Variants in IL1RAPL1 observed in about 807,000 individuals in gnomAD.
IL1RAPL1 encodes the protein interleukin 1 receptor accessory protein like 1, also known as interleukin-1 receptor accessory protein-like 1.
IL1RAPL1 carries 3 observed loss-of-function variants against 48.4 expected under a neutral mutation model. That is an observed-to-expected ratio of 0.06 (90% CI 0.03 to 0.16). The LOEUF is 0.16. IL1RAPL1 is among the 10% of genes least tolerant of loss of function. The pLI is 1.00. For synonymous variants in IL1RAPL1, 185 were observed against 187.7 expected (o/e 0.99, Z 0.12); for missense variants, 349 against 530.6 (o/e 0.66, Z 3.36).
At chrX:28,979,180 A>C (rs776150151) in intron 2 of IL1RAPL1, among the ~76,000 whole-genome samples, 1 of 111,901 alleles carries the variant, frequency 8.9e-6, no homozygotes, top group East Asian at 2.8e-4. Flanking sequence ...TATGACAAGC[A>C]TCATATGTTG....
In IL1RAPL1 at chrX:28,630,755, T is replaced by A. The variant is rs1934390238; in HGVS notation, c.-25+42708T>A. On this transcript the variant is annotated intron_variant, in intron 1 of 10. Transcript: ENST00000378993. ...TATAGGAGGTGTGTTATAAAATGATTTATTAAATGTGAAGAAATTCCTAGT... is the reference window on the plus strand; with the variant it reads ...TATAGGAGGTGTGTTATAAAATGATATATTAAATGTGAAGAAATTCCTAGT... 3.6e-5 allele frequency among the ~76,000 whole-genome samples: 4 copies of A among 112,519 alleles called. No individual in the cohort carries two copies. In the South Asian group the frequency reaches 1.4e-3, roughly 41 times the overall value.
intron 5 of IL1RAPL1, among the ~76,000 whole-genome samples, chrX:29,664,351 C>T (rs1249973270): frequency 3.1e-5 from 3 of 97,291 alleles, no homozygotes; most frequent in East Asian, 3.2e-4. Flanking sequence ...TTGCAGTGAG[C>T]GGAGATCGCG....
intron 8 of IL1RAPL1, among the ~76,000 whole-genome samples, chrX:29,927,015 A>G (rs768573070): frequency 8.9e-6 from 1 of 112,391 alleles, no homozygotes; most frequent in South Asian, 3.7e-4. Flanking sequence ...CTTACACCAT[A>G]GGAATTGACA....
chrX:29,058,556 G>T (rs1289743631), intron 2 of IL1RAPL1, among the ~76,000 whole-genome samples: 1 of 111,927 alleles, frequency 8.9e-6, no homozygotes, highest in Admixed American at 9.5e-5. Context: ...TACTAAAAAA[G>T]TGATTTGTGG....
At chrX:29,466,009 A>G (rs892113977) in intron 5 of IL1RAPL1, among the ~76,000 whole-genome samples, 14 of 112,612 alleles carry the variant, frequency 1.2e-4, no homozygotes, top group African/African-American at 4.2e-4. Flanking sequence ...AAATAAAAAT[A>G]ACTTTTCCTG....
intron 3 of IL1RAPL1, among the ~76,000 whole-genome samples, chrX:29,359,319 C>A (rs1329438642): frequency 9.0e-6 from 1 of 111,505 alleles, no homozygotes; most frequent in Non-Finnish European, 1.9e-5. Flanking sequence ...GCTACACCAA[C>A]CACCATCACC....
At chrX:29,827,757 T>C (rs1930771380) in intron 6 of IL1RAPL1, among the ~76,000 whole-genome samples, 1 of 112,850 alleles carries the variant, frequency 8.9e-6, no homozygotes, top group Admixed American at 9.4e-5. Context: ...ATTCCTAATC[T>C]ATTCAATGGG....
At chrX:28,710,017 C>T (rs1388674807) in intron 1 of IL1RAPL1, among the ~76,000 whole-genome samples, 1 of 111,604 alleles carries the variant, frequency 9.0e-6, no homozygotes, top group Non-Finnish European at 1.9e-5. Flanking sequence ...TTTTTATAGA[C>T]AGCGAGAGAT....
intron 1 of IL1RAPL1, among the ~76,000 whole-genome samples, chrX:28,719,160 C>T (rs1935538693): frequency 9.0e-6 from 1 of 110,905 alleles, no homozygotes; most frequent in Admixed American, 9.7e-5. Flanking sequence ...TCAGATTAAC[C>T]TGGATTTAAT....
intron 1 of IL1RAPL1, among the ~76,000 whole-genome samples, chrX:28,719,737 T>C (rs1373806637): frequency 9.0e-6 from 1 of 111,095 alleles, no homozygotes; most frequent in Non-Finnish European, 1.9e-5. Flanking sequence ...TTTCCCAGCT[T>C]ATTTCTTTTT....
intron 5 of IL1RAPL1, among the ~76,000 whole-genome samples, chrX:29,597,765 G>A (rs1012761731): frequency 9.0e-6 from 1 of 111,490 alleles, no homozygotes; most frequent in African/African-American, 3.3e-5. Flanking sequence ...AATCTAGGAG[G>A]GTTTCAAAGA....
At chrX:29,941,530 T>A (rs1230087771) in intron 8 of IL1RAPL1, 121 bp from the exon 9 acceptor site, 2 of 703,300 alleles carry the variant, frequency 2.8e-6, no homozygotes, top group African/African-American at 4.2e-5. Context: ...GGAAAGGGGT[T>A]GTGTCAACCC....
At chrX:29,208,732 T>TAATAATA (rs1291004933) in intron 2 of IL1RAPL1, among the ~76,000 whole-genome samples, 1 of 81,784 alleles carries the variant, frequency 1.2e-5, no homozygotes, top group Non-Finnish European at 2.2e-5. Context: ...ATAATAATAA[T>TAATAATA]AATAAATAAA....
intron 2 of IL1RAPL1, among the ~76,000 whole-genome samples, chrX:29,139,035 T>G (rs745404884): frequency 3.6e-5 from 4 of 111,603 alleles, no homozygotes; most frequent in Non-Finnish European, 7.5e-5. Flanking sequence ...AAAGAAACTG[T>G]GGGAAAAGTG....
chrX:29,230,504 C>CAAATAAAAA (rs1931170482), intron 2 of IL1RAPL1, among the ~76,000 whole-genome samples: 1 of 16,589 alleles, frequency 6.0e-5, no homozygotes. Context: ...GTCCCTTTAC[C>CAAATAAAAA]AAAAAAAAAA....
At position 29,399,236 on chromosome X, in the gene IL1RAPL1, A is replaced by C. The variant is rs756024054; in HGVS notation, c.631A>C (p.Ile211Leu). The C allele has an allele frequency of 3.4e-6, 4 of 1,192,183 alleles. No individual in the cohort carries two copies. Among genetic ancestry groups the C allele is most frequent in the Admixed American group, 4.4e-5 (2 of 45,975 alleles). ...TATAAGAGAAGTCAGAGAAGATGAC[A>C]TTGGAAATTATACCTGTGAATTAAA... is the stretch of plus-strand genomic sequence containing the variant. The part of the protein sequence containing the change: ...LLIREVREDD[I>L]GNYTCELKYG... Residue 211 changes from isoleucine to leucine, a missense_variant, in exon 5 of 11, where the codon ATT becomes CTT. Physicochemically the swap from Ile to Leu is conservative, Grantham distance 5. This residue lies in a region of IL1RAPL1 where 238 missense variants were observed against 337.8 expected (regional missense o/e 0.70). Coordinates refer to ENST00000378993, the MANE Select transcript of IL1RAPL1 (RefSeq NM_014271.4).
chrX:29,100,691 A>G (rs1928316929), intron 2 of IL1RAPL1, among the ~76,000 whole-genome samples: 1 of 111,664 alleles, frequency 9.0e-6, no homozygotes, highest in South Asian at 3.8e-4. Context: ...CATTTATTAG[A>G]TGGGTGACCT....
chrX:29,664,021 A>G (rs769488837), intron 5 of IL1RAPL1, among the ~76,000 whole-genome samples: 2 of 112,344 alleles, frequency 1.8e-5, no homozygotes, highest in Non-Finnish European at 3.8e-5. Flanking sequence ...CCAACTTGCC[A>G]AACAAATAAG....
At chrX:29,213,005 T>C (rs1429307790) in intron 2 of IL1RAPL1, among the ~76,000 whole-genome samples, 1 of 111,462 alleles carries the variant, frequency 9.0e-6, no homozygotes, top group Non-Finnish European at 1.9e-5. Flanking sequence ...AACTTTTTTT[T>C]TTCTTTTTTT....
Sources: allele counts gnomAD v4.1 joint callset (sites outside exome capture counted in the v4.1 genomes callset), GRCh38; gene constraint gnomAD v4.1.1; regional missense constraint gnomAD v4.1.1; transcripts MANE v1.5; gene names NCBI Gene and HGNC (gene_info 2026-07-23, HGNC 2026-07-21).